BRD4: variants seen among roughly 807,000 people sequenced by gnomAD.
The protein encoded by BRD4 is bromodomain containing 4.
BRD4 carries 16 observed loss-of-function variants against 142.1 expected under a neutral mutation model. That is an observed-to-expected ratio of 0.11 (90% CI 0.08 to 0.17). The LOEUF (loss-of-function observed/expected upper bound fraction) is 0.17. Among genes scored for constraint, BRD4 ranks in the 10% least tolerant of loss-of-function variants. BRD4 has a pLI of 1.00. For synonymous variants in BRD4, 833 were observed against 707.5 expected (o/e 1.18, Z -2.82); for missense variants, 1,424 against 1,810.9 (o/e 0.79, Z 3.88).
At chr19:15,315,058 C>G (rs1381018576) in intron 1 of BRD4, among the ~76,000 whole-genome samples, 1 of 152,202 alleles carries the variant, frequency 6.6e-6, no homozygotes, top group Non-Finnish European at 1.5e-5. Flanking sequence ...CTGTAGTCAT[C>G]TATTCTATTT....
Position 15,244,418 on chromosome 19 carries a change from TG to T in BRD4, c.2393del (p.Pro798HisfsTer97). 8.0e-7 allele frequency: 1 copy of T among 1,257,160 alleles called. No individual in the cohort carries two copies. 77.9% of individuals were successfully genotyped at this position (1,257,160 alleles called of 1,614,324 possible). A position where few individuals can be genotyped will look rare whatever the true frequency, so the allele number is the denominator to read the frequency against. On this transcript the variant is annotated frameshift_variant, in exon 13 of 20. Transcript: ENST00000679869. LOFTEE classifies it high-confidence loss of function. ...QAAPAMKSSP[P>X]PFIATQVPVL... ...CGGGCACCTGGGTGGCAATGAAGGG[TG>T]GGGGCGAGGACTTCATCGCCGGGGC...
rs2047192780 is a variant in BRD4 at position 15,236,473 on chromosome 19, G to C, written c.*1904C>G. The C allele has an allele frequency of 6.6e-6, 1 of 151,620 alleles. No individual in the cohort carries two copies. Among genetic ancestry groups the C allele is most frequent in the South Asian group, 2.1e-4 (1 of 4,784 alleles). The allele number at this position is 151,620 out of a possible 1,614,324, so 9.4% of individuals were successfully genotyped here. The stretch of plus-strand genomic sequence containing the variant: ...GAGTTAGGTTGAGGCAGGCAAGGTG[G>C]GAGAAGTGGCCCAAGTCCTTTGGTG... On this transcript the variant is annotated 3_prime_UTR_variant, in exon 20 of 20. Transcript: ENST00000679869.
rs199832956 is a variant in BRD4, at chr19:15,310,774, CAT to C, written c.-35+21514_-35+21515del. On this transcript the variant is annotated intron_variant, in intron 1 of 19. Coordinates refer to ENST00000679869, the MANE Select transcript of BRD4 (RefSeq NM_001379291.1). ...CCTCCCAAAGTGCTAGGATTACAGG[CAT>C]GAGCCACCGTGCCTGGCCTTAAACA... Among the ~76,000 whole-genome samples, 861 of 151,544 alleles carry C rather than the reference CAT, an allele frequency of 5.7e-3. 8 individuals carry two copies. The highest frequency in any genetic ancestry group is 0.02 in the African/African-American group (820 of 41,420).
intron 1 of BRD4, among the ~76,000 whole-genome samples, chr19:15,305,703 A>C (rs896697211): frequency 3.3e-5 from 5 of 152,202 alleles, no homozygotes; most frequent in African/African-American, 1.2e-4. Flanking sequence ...GCTTCAACTT[A>C]AAGTCATCAG....
intron 13 of BRD4, 106 bp downstream of exon 13, chr19:15,244,125 G>C (rs566901845): frequency 6.5e-7 from 1 of 1,529,336 alleles, no homozygotes; most frequent in African/African-American, 1.4e-5. Flanking sequence ...CTAGAGACCA[G>C]AGCAGCTGAG....
At chr19:15,287,614 C>T (rs146168880) in intron 1 of BRD4, among the ~76,000 whole-genome samples, 2 of 151,986 alleles carry the variant, frequency 1.3e-5, no homozygotes, top group East Asian at 3.9e-4. Context: ...ACTCCCAATC[C>T]CTGCCTCTGG....
intron 1 of BRD4, among the ~76,000 whole-genome samples, chr19:15,281,323 G>A (rs2047702477): frequency 6.6e-6 from 1 of 152,160 alleles, no homozygotes; most frequent in African/African-American, 2.4e-5. Flanking sequence ...AGCCAAGGCA[G>A]AGATATACTG....
chr19:15,263,120 G>C (rs905485902), intron 7 of BRD4, among the ~76,000 whole-genome samples: 1 of 152,166 alleles, frequency 6.6e-6, no homozygotes, highest in Non-Finnish European at 1.5e-5. Context: ...CAACCCACTT[G>C]AGACAGGTGT....
At chr19:15,312,020 T>C (rs2047975842) in intron 1 of BRD4, among the ~76,000 whole-genome samples, 1 of 152,218 alleles carries the variant, frequency 6.6e-6, no homozygotes, top group Non-Finnish European at 1.5e-5. Flanking sequence ...TGCATATAGT[T>C]TACACTGTAA....
In BRD4 at chr19:15,257,047, T is replaced by TGGAGCTATC. The variant is rs1269167945; in HGVS notation, c.1467_1468insGATAGCTCC (p.Asp487_Ser489dup). 2.5e-6 allele frequency: 4 copies of TGGAGCTATC among 1,601,184 alleles called. No individual in the cohort carries two copies. The highest frequency in any genetic ancestry group is 3.4e-6 in the Non-Finnish European group (4 of 1,175,796). ...CTGTCACTGTCCGAGGAGCTATCGC[T>TGGAGCTATC]GCTGCTGTCGCTGGATGAGGGCGGG... is the stretch of plus-strand genomic sequence containing the variant. On this transcript the variant is annotated inframe_insertion, in exon 8 of 20. Transcript: ENST00000679869.
chr19:15,243,447 G>A lies in BRD4; in HGVS notation c.2622C>T (p.Ser874=), dbSNP rs761755028. Residue 874 remains serine, a synonymous_variant, in exon 14 of 20, where the codon AGC becomes AGT. Transcript: ENST00000679869. ...TGGGAGGCAGGGCAGCGGCTCGGTT[G>A]CTGGGCCGTGATGGCTGCTGGGGTA... is the stretch of plus-strand genomic sequence containing the variant. ...NALPQQPSRP[S]NRAAALPPKP... 1.3e-6 allele frequency: 2 copies of A among 1,576,406 alleles called. No homozygotes were observed. The highest frequency in any genetic ancestry group is 2.0e-4 in the Middle Eastern group (1 of 4,938).
intron 1 of BRD4, among the ~76,000 whole-genome samples, chr19:15,301,086 C>G (rs1233007024): frequency 6.6e-6 from 1 of 152,172 alleles, no homozygotes; most frequent in Non-Finnish European, 1.5e-5. Flanking sequence ...TGATGAAACA[C>G]TACTCAGCAA....
chr19:15,289,775 A>G lies in BRD4; in HGVS notation c.-34-16642T>C, dbSNP rs2047767810. On this transcript the variant is annotated intron_variant, in intron 1 of 19. Coordinates refer to ENST00000679869, the MANE Select transcript of BRD4 (RefSeq NM_001379291.1). ...CTAGGAAAGATGTGGCTCACAAGCA[A>G]TGGGAGAAGTGTGCTTGTAAGGACA... Among the ~76,000 whole-genome samples the G allele has an allele frequency of 1.3e-5, 2 of 152,118 alleles. 1 individual carries two copies. Among genetic ancestry groups the G allele is most frequent in the South Asian group, 4.1e-4 (2 of 4,830 alleles).
intron 8 of BRD4, among the ~76,000 whole-genome samples, chr19:15,256,559 A>G (rs939497395): frequency 6.6e-6 from 1 of 152,190 alleles, no homozygotes; most frequent in African/African-American, 2.4e-5. Context: ...CTGATCGCAG[A>G]AGGAGGGCCC....
At chr19:15,325,180 C>T (rs1431983803) in intron 1 of BRD4, among the ~76,000 whole-genome samples, 1 of 152,220 alleles carries the variant, frequency 6.6e-6, no homozygotes, top group South Asian at 2.1e-4. Context: ...CTCATTTTAA[C>T]CTCATCTGAA....
chr19:15,292,375 T>C (rs1230219948), intron 1 of BRD4, among the ~76,000 whole-genome samples: 2 of 152,226 alleles, frequency 1.3e-5, no homozygotes, highest in African/African-American at 4.8e-5. Context: ...CTGGAAATGC[T>C]AGACCCAGAA....
chr19:15,261,118 G>A (rs898119839), intron 7 of BRD4, among the ~76,000 whole-genome samples: 1 of 152,228 alleles, frequency 6.6e-6, no homozygotes, highest in African/African-American at 2.4e-5. Context: ...GAGAGAGGGA[G>A]CGGTGGAGGA....
chr19:15,249,113 T>C lies in BRD4; in HGVS notation c.2159-4351A>G, dbSNP rs903409534. The C allele has an allele frequency of 1.2e-5, 14 of 1,147,936 alleles. No individual in the cohort carries two copies. In the East Asian group the frequency reaches 3.1e-4, roughly 25 times the overall value. 71.1% of individuals were successfully genotyped at this position (1,147,936 alleles called of 1,614,324 possible). ...CCCGAAGGCGGGACTAGGCGTGTGCTGCTGGACATGACTAATCCACCCCGG... is the reference window on the plus strand; with the variant it reads ...CCCGAAGGCGGGACTAGGCGTGTGCCGCTGGACATGACTAATCCACCCCGG... On this transcript the variant is annotated intron_variant, in intron 11 of 19. Coordinates refer to ENST00000679869, the MANE Select transcript of BRD4 (RefSeq NM_001379291.1).
In BRD4 at chr19:15,328,515, C is replaced by A. The variant is rs558736858; in HGVS notation, c.-35+3775G>T. ...TCGGACTAATAAGTTTACTACAACA[C>A]CGAGGGACCCCAGCGTTATCTTAGT... On this transcript the variant is annotated intron_variant, in intron 1 of 19. Transcript: ENST00000679869. Among the ~76,000 whole-genome samples the A allele has an allele frequency of 2.4e-4, 37 of 152,300 alleles. 1 individual carries two copies. The South Asian group carries it at 4.8e-3, about 20-fold the overall frequency.
Sources: allele counts gnomAD v4.1 joint callset (sites outside exome capture counted in the v4.1 genomes callset), GRCh38; gene constraint gnomAD v4.1.1; transcripts MANE v1.5; gene names NCBI Gene and HGNC (gene_info 2026-07-23, HGNC 2026-07-21).